The following GPHN variants were observed in gnomAD, a reference collection of about 807,000 sequenced individuals.
The protein encoded by GPHN is gephyrin.
GPHN carries 17 observed loss-of-function variants against 95.5 expected under a neutral mutation model. The observed-to-expected ratio is 0.18, with a 90% CI of 0.12 to 0.27. GPHN has a LOEUF of 0.27. Among genes scored for constraint, GPHN ranks in the 10% least tolerant of loss-of-function variants. The probability of loss-of-function intolerance (pLI) is 1.00; values close to 1 mark genes in which losing one functional copy is unlikely to be tolerated. For synonymous variants in GPHN, 320 were observed against 322.5 expected (o/e 0.99, Z 0.08); for missense variants, 660 against 978.1 (o/e 0.67, Z 4.34).
At chr14:66,601,306 G>A (rs2062230227) in intron 1 of GPHN, among the ~76,000 whole-genome samples, 1 of 152,016 alleles carries the variant, frequency 6.6e-6, no homozygotes, top group South Asian at 2.1e-4. Flanking sequence ...GATTATTTTG[G>A]AGACCACGGA....
the GPHN span, among the ~76,000 whole-genome samples, chr14:67,400,725 C>T: frequency 7.9e-5 from 12 of 151,870 alleles, no homozygotes; most frequent in Non-Finnish European, 1.6e-4. Flanking sequence ...CGGTGGTTCA[C>T]GCCTGTAATC....
In GPHN at chr14:66,778,882, C is replaced by T. The variant is rs1026502615; in HGVS notation, c.201+2361C>T. Reference sequence around the variant, plus strand: ...TCCCGAGTAGCTTGGATTATAGGCACATGACACCACACCCAGCTAATTTTT... The same window carrying T: ...TCCCGAGTAGCTTGGATTATAGGCATATGACACCACACCCAGCTAATTTTT... On this transcript the variant is annotated intron_variant, in intron 3 of 22. Coordinates refer to ENST00000478722, the MANE Select transcript of GPHN (RefSeq NM_020806.5). 6.6e-5 allele frequency among the ~76,000 whole-genome samples: 10 copies of T among 151,384 alleles called. No individual in the cohort carries two copies. The East Asian group carries it at 1.7e-3, about 26-fold the overall frequency.
At chr14:67,006,050 G>C (rs949444806) in intron 9 of GPHN, among the ~76,000 whole-genome samples, 1 of 139,272 alleles carries the variant, frequency 7.2e-6, no homozygotes, top group African/African-American at 3.1e-5. Context: ...AGGAAGGGAG[G>C]CAATTACCAT....
intron 2 of GPHN, among the ~76,000 whole-genome samples, chr14:66,700,290 A>G (rs1273775553): frequency 1.3e-5 from 2 of 152,208 alleles, no homozygotes; most frequent in Non-Finnish European, 2.9e-5. Context: ...AGCTACTAGA[A>G]ATTTAACGAA....
At chr14:67,711,139 C>T in the GPHN span, among the ~76,000 whole-genome samples, 1 of 152,116 alleles carries the variant, frequency 6.6e-6, no homozygotes, top group Non-Finnish European at 1.5e-5. Context: ...ACTAGACCAC[C>T]TAAAGCCACA....
At chr14:67,173,304 C>T (rs756348186) in intron 21 of GPHN, among the ~76,000 whole-genome samples, 3 of 152,124 alleles carry the variant, frequency 2.0e-5, no homozygotes, top group Non-Finnish European at 4.4e-5. Flanking sequence ...AGGGATCTCC[C>T]TAGGCTATAT....
chr14:67,393,189 T>A, the GPHN span: 2 of 1,614,052 alleles, frequency 1.2e-6, no homozygotes, highest in Admixed American at 1.7e-5. Context: ...TGCTCCATGT[T>A]GGGGCTTGAA....
intron 1 of GPHN, among the ~76,000 whole-genome samples, chr14:66,600,129 T>G (rs918543588): frequency 6.6e-6 from 1 of 152,090 alleles, no homozygotes; most frequent in Non-Finnish European, 1.5e-5. Flanking sequence ...TTTGCATCAT[T>G]ATTCTTCAGT....
intron 1 of GPHN, among the ~76,000 whole-genome samples, chr14:66,630,456 A>G (rs1325324522): frequency 2.6e-5 from 4 of 152,118 alleles, no homozygotes; most frequent in South Asian, 2.1e-4. Context: ...AATGTTGGCA[A>G]TTGGTCATCA....
At chr14:67,235,606 T>A in the GPHN span, among the ~76,000 whole-genome samples, 1 of 151,952 alleles carries the variant, frequency 6.6e-6, no homozygotes, top group Non-Finnish European at 1.5e-5. Context: ...TCCCAGCTAC[T>A]CAGGAGGCTG....
chr14:67,037,769 A>G (rs2074493729), intron 10 of GPHN, among the ~76,000 whole-genome samples: 1 of 150,716 alleles, frequency 6.6e-6, no homozygotes, highest in Admixed American at 6.6e-5. Flanking sequence ...CACCATTAGG[A>G]TGACTACTAA....
chr14:67,597,011 C>T, the GPHN span, among the ~76,000 whole-genome samples: 64 of 152,302 alleles, frequency 4.2e-4, 1 homozygote, highest in African/African-American at 1.4e-3. Flanking sequence ...CATAGTTAAC[C>T]CATAGTGTTA....
At chr14:67,038,806 T>C (rs2074558314) in intron 10 of GPHN, among the ~76,000 whole-genome samples, 1 of 152,174 alleles carries the variant, frequency 6.6e-6, no homozygotes, top group Non-Finnish European at 1.5e-5. Context: ...TTTTATACAA[T>C]TACACTCCCA....
chr14:67,435,902 G>T, the GPHN span, among the ~76,000 whole-genome samples: 1 of 152,210 alleles, frequency 6.6e-6, no homozygotes, highest in Non-Finnish European at 1.5e-5. Context: ...CATCAAATAA[G>T]GGGGAAAAAG....
intron 18 of GPHN, among the ~76,000 whole-genome samples, chr14:67,148,218 A>G (rs925278452): frequency 3.3e-5 from 5 of 152,208 alleles, no homozygotes; most frequent in Non-Finnish European, 5.9e-5. Flanking sequence ...ATTTCTTTAA[A>G]TAAAGATAAA....
At chr14:67,274,802 C>T in the GPHN span, among the ~76,000 whole-genome samples, 2 of 152,072 alleles carry the variant, frequency 1.3e-5, no homozygotes, top group Non-Finnish European at 2.9e-5. Context: ...CTTGGTTGAC[C>T]AGTGGTTTCT....
At chr14:67,159,193 G>A (rs2081815653) in intron 18 of GPHN, among the ~76,000 whole-genome samples, 1 of 152,132 alleles carries the variant, frequency 6.6e-6, no homozygotes, top group Non-Finnish European at 1.5e-5. Context: ...CCTACACATA[G>A]ACTGGTACTC....
the GPHN span, among the ~76,000 whole-genome samples, chr14:67,346,733 C>G: frequency 2.6e-5 from 4 of 152,178 alleles, no homozygotes; most frequent in Non-Finnish European, 4.4e-5. Context: ...CTATAAAAAT[C>G]TAGAAAGAAT....
intron 9 of GPHN, among the ~76,000 whole-genome samples, chr14:67,015,700 A>G (rs1021642097): frequency 1.3e-5 from 2 of 151,970 alleles, no homozygotes; most frequent in Non-Finnish European, 1.5e-5. Context: ...CATTTCGGGG[A>G]AAAAAAATAC....
Sources: gnomAD v4.1 joint callset for allele counts (sites outside exome capture counted in the v4.1 genomes callset) on GRCh38, gnomAD v4.1.1 for gene constraint, MANE v1.5 for transcripts, NCBI Gene and HGNC (gene_info 2026-07-23, HGNC 2026-07-21) for gene names.